Variants in BRAF observed in about 807,000 individuals in gnomAD.
The protein encoded by BRAF is B-Raf proto-oncogene, serine/threonine kinase.
Under a neutral mutation model 104.6 loss-of-function variants are expected in BRAF, and 16 were observed. The ratio of observed to expected loss-of-function variants is 0.15; its 90% CI spans 0.10 to 0.23. BRAF has a LOEUF of 0.23. BRAF is among the 10% of genes least tolerant of loss of function. BRAF has a pLI of 1.00. For missense variants in BRAF, 541 were observed against 937.3 expected, an observed-to-expected ratio of 0.58 and a Z score of 5.52; for synonymous variants, 310 against 341.6, an observed-to-expected ratio of 0.91 and a Z score of 1.02.
Position 140,725,158 on chromosome 7 carries a change from T to A in BRAF, c.*1336A>T. ...GGAGAATGAATGGAGACGCCACCAT[T>A]TTTATTTTAGGTTGCATATTCTAGA... On this transcript the variant is annotated 3_prime_UTR_variant, in exon 20 of 20. Coordinates refer to ENST00000644969, the MANE Select transcript of BRAF (RefSeq NM_001374258.1). The A allele has an allele frequency of 9.6e-7, 1 of 1,041,948 alleles. No individual in the cohort carries two copies. Among genetic ancestry groups the A allele is most frequent in the Non-Finnish European group, 1.2e-6 (1 of 864,508 alleles). 64.5% of individuals were successfully genotyped at this position (1,041,948 alleles called of 1,614,324 possible). A position where few individuals can be genotyped will look rare whatever the true frequency, so the allele number is the denominator to read the frequency against.
At chr7:140,848,243 G>T (rs1167085665) in intron 2 of BRAF, among the ~76,000 whole-genome samples, 3 of 152,120 alleles carry the variant, frequency 2.0e-5, no homozygotes, top group Non-Finnish European at 4.4e-5. Flanking sequence ...GGTAGAATAA[G>T]ATAGAGATCA....
chr7:140,822,603 G>A lies in BRAF; in HGVS notation c.504+12006C>T, dbSNP rs1404290170. 2.0e-5 allele frequency among the ~76,000 whole-genome samples: 3 copies of A among 152,190 alleles called. No individual in the cohort carries two copies. The East Asian group carries it at 5.8e-4, about 29-fold the overall frequency. On this transcript the variant is annotated intron_variant, in intron 3 of 19. Transcript: ENST00000644969. ...ACTTTGAGATTCATCTATGTTGTGT[G>A]CATTAGCAGTTCATTCCTTTCTACT... is the stretch of plus-strand genomic sequence containing the variant.
rs1211781371 is a variant in BRAF at position 140,723,282 on chromosome 7, AG to A, written c.*3211del. On this transcript the variant is annotated 3_prime_UTR_variant, in exon 20 of 20. Transcript: ENST00000644969. ...CTGTCACCGCACCAAACCAGAAGCT[AG>A]GAAATATTTACAAAGTTTCAGGTTG... The A allele has an allele frequency of 1.9e-6, 2 of 1,056,482 alleles. No individual in the cohort carries two copies. Among genetic ancestry groups the A allele is most frequent in the Non-Finnish European group, 2.3e-6 (2 of 873,866 alleles). 65.4% of individuals were successfully genotyped at this position (1,056,482 alleles called of 1,614,324 possible).
At chr7:140,851,159 T>C (rs533953031) in intron 1 of BRAF, among the ~76,000 whole-genome samples, 1 of 152,304 alleles carries the variant, frequency 6.6e-6, no homozygotes, top group South Asian at 2.1e-4. Context: ...AAAAGGCATA[T>C]ATTAGTATAT....
At chr7:140,844,352 A>G (rs532016194) in intron 2 of BRAF, among the ~76,000 whole-genome samples, 14 of 152,354 alleles carry the variant, frequency 9.2e-5, no homozygotes, top group African/African-American at 3.4e-4. Flanking sequence ...GCTACAAAGC[A>G]AGACAGGACT....
intron 1 of BRAF, among the ~76,000 whole-genome samples, chr7:140,867,885 C>T (rs1480144318): frequency 6.6e-6 from 1 of 151,682 alleles, no homozygotes; most frequent in African/African-American, 2.4e-5. Context: ...CCCTGGGCTT[C>T]TCCTTGCTCT....
chr7:140,744,048 T>C (rs925786457), intron 17 of BRAF, among the ~76,000 whole-genome samples: 1 of 152,230 alleles, frequency 6.6e-6, no homozygotes, highest in Non-Finnish European at 1.5e-5. Flanking sequence ...CCTTTGCTCT[T>C]GGCTCCTGGG....
intron 3 of BRAF, among the ~76,000 whole-genome samples, chr7:140,810,168 G>A (rs117013564): frequency 0.012 from 1,767 of 152,260 alleles, 12 homozygotes; most frequent in Middle Eastern, 0.031. Flanking sequence ...GTAAATATAA[G>A]ACAGCTGAAT....
At chr7:140,824,840 G>C (rs181668655) in intron 3 of BRAF, among the ~76,000 whole-genome samples, 2 of 152,066 alleles carry the variant, frequency 1.3e-5, no homozygotes, top group African/African-American at 4.8e-5. Flanking sequence ...GCATGTAAGG[G>C]TATCGCGTGC....
chr7:140,809,175 A>T (rs1039137394), intron 3 of BRAF, among the ~76,000 whole-genome samples, 180 bp from the exon 4 acceptor site: 12 of 152,230 alleles, frequency 7.9e-5, no homozygotes, highest in African/African-American at 2.9e-4. Flanking sequence ...ATTTGTTATT[A>T]TTCACCAACT....
At position 140,723,630 on chromosome 7, in the gene BRAF, G is replaced by C. The variant is rs987384229; in HGVS notation, c.*2864C>G. On this transcript the variant is annotated 3_prime_UTR_variant, in exon 20 of 20. Transcript: ENST00000644969. ...GTCCTTGACTCTAACGATGAAAAAA[G>C]TCCATCAGGAATACTACACAGTTAC... 3.8e-6 allele frequency: 4 copies of C among 1,049,642 alleles called. No homozygotes were observed. The highest frequency in any genetic ancestry group is 4.6e-6 in the Non-Finnish European group (4 of 869,620). 65.0% of individuals were successfully genotyped at this position (1,049,642 alleles called of 1,614,324 possible). A position where few individuals can be genotyped will look rare whatever the true frequency, so the allele number is the denominator to read the frequency against.
chr7:140,813,888 TACACACAC>T (rs147877017), intron 3 of BRAF, among the ~76,000 whole-genome samples: 11 of 147,376 alleles, frequency 7.5e-5, no homozygotes, highest in African/African-American at 2.7e-4. Flanking sequence ...GACGCATACA[TACACACAC>T]ACACACACAC....
At chr7:140,876,317 G>C (rs1317234044) in intron 1 of BRAF, among the ~76,000 whole-genome samples, 1 of 152,122 alleles carries the variant, frequency 6.6e-6, no homozygotes, top group African/African-American at 2.4e-5. Context: ...TATATGGAGA[G>C]TTAAGAATTT....
intron 1 of BRAF, among the ~76,000 whole-genome samples, chr7:140,872,182 T>C (rs1811672659): frequency 1.3e-5 from 2 of 151,586 alleles, no homozygotes; most frequent in African/African-American, 4.9e-5. Context: ...ACCATTGCAC[T>C]CCAGCCTGGG....
chr7:140,891,101 G>A (rs1267582528), intron 1 of BRAF, among the ~76,000 whole-genome samples: 1 of 152,168 alleles, frequency 6.6e-6, no homozygotes, highest in Non-Finnish European at 1.5e-5. Context: ...CTACAAAGTG[G>A]TTACTTCAAA....
chr7:140,890,416 AG>A lies in BRAF; in HGVS notation c.138+34149del, dbSNP rs1814089144. Among the ~76,000 whole-genome samples the A allele has an allele frequency of 2.0e-5, 3 of 152,328 alleles. No homozygotes were observed. In the South Asian group the frequency reaches 6.2e-4, roughly 32 times the overall value. On this transcript the variant is annotated intron_variant, in intron 1 of 19. Transcript: ENST00000644969. ...CCCTGTATGTGCTCAGGCTCATGCTAGGAGTTGAGGATACAGTGGTGAGCAA... is the reference window on the plus strand; with the variant it reads ...CCCTGTATGTGCTCAGGCTCATGCTAGAGTTGAGGATACAGTGGTGAGCAA...
intron 1 of BRAF, among the ~76,000 whole-genome samples, chr7:140,900,450 T>C (rs1164165732): frequency 6.6e-6 from 1 of 152,246 alleles, no homozygotes; most frequent in Non-Finnish European, 1.5e-5. Context: ...TTATTTAATA[T>C]GGTAGGCATT....
chr7:140,754,122 G>A, intron 15 of BRAF, 65 bp downstream of exon 14: 1 of 1,494,048 alleles, frequency 6.7e-7, no homozygotes, highest in African/African-American at 1.4e-5. Flanking sequence ...ATAATGTGAA[G>A]ACAAAATGCA....
chr7:140,794,208 T>C (rs977684677), intron 8 of BRAF, 100 bp downstream of exon 8: 4 of 1,415,464 alleles, frequency 2.8e-6, no homozygotes, highest in Non-Finnish European at 3.9e-6. Context: ...CTGTGATAAA[T>C]GAAAAATGGC....
Sources: gnomAD v4.1 joint callset for allele counts (sites outside exome capture counted in the v4.1 genomes callset) on GRCh38, gnomAD v4.1.1 for gene constraint, MANE v1.5 for transcripts, NCBI Gene and HGNC (gene_info 2026-07-23, HGNC 2026-07-21) for gene names.